Variants in ADAM23 observed in about 807,000 individuals in gnomAD.
ADAM23 encodes disintegrin and metalloproteinase domain-containing protein 23.
ADAM23 carries 33 observed loss-of-function variants against 120.1 expected under a neutral mutation model. The observed-to-expected ratio is 0.27, with a 90% confidence interval of 0.21 to 0.37. The LOEUF is 0.37. ADAM23 is among the 10% of genes least tolerant of loss of function. The pLI, the probability that ADAM23 is intolerant of heterozygous loss-of-function variation, is 1.00. For missense variants in ADAM23, 862 were observed against 1,058.2 expected (o/e 0.81, Z 2.57); for synonymous variants, 367 against 375.2 (o/e 0.98, Z 0.25).
Position 206,481,226 on chromosome 2 carries a change from C to A in ADAM23, c.433-6C>A. The stretch of plus-strand genomic sequence containing the variant: ...TTAAGGTTCTTCTGTCTTTTTGAAT[C>A]CATAGGCTGTCCATCTGGCCCAGGC... On this transcript the variant is annotated splice_polypyrimidine_tract_variant and splice_region_variant and intron_variant, in intron 2 of 25. Transcript: ENST00000264377. 1 of 1,607,572 alleles carries A rather than the reference C, an allele frequency of 6.2e-7. No homozygotes were observed. The highest frequency in any genetic ancestry group is 8.5e-7 in the Non-Finnish European group (1 of 1,177,562).
chr2:206,597,523 T>G (rs1698552856), intron 24 of ADAM23, among the ~76,000 whole-genome samples: 1 of 152,114 alleles, frequency 6.6e-6, no homozygotes, highest in Non-Finnish European at 1.5e-5. Flanking sequence ...TCATTTTTCA[T>G]TATTCTCCCG....
chr2:206,603,644 A>G (rs1043091973), intron 24 of ADAM23, among the ~76,000 whole-genome samples: 29 of 152,214 alleles, frequency 1.9e-4, no homozygotes, highest in African/African-American at 6.3e-4. Flanking sequence ...GAATATATCT[A>G]TTCATCTTGA....
chr2:206,559,559 C>T (rs1697716115), intron 10 of ADAM23, among the ~76,000 whole-genome samples: 1 of 152,152 alleles, frequency 6.6e-6, no homozygotes. Context: ...TCCAATCCAG[C>T]AGGAATAAAT....
chr2:206,489,815 CTGA>C, intron 3 of ADAM23, among the ~76,000 whole-genome samples: 1 of 152,260 alleles, frequency 6.6e-6, no homozygotes, highest in East Asian at 1.9e-4. Context: ...GAACCTAATT[CTGA>C]TGATTGCATA....
At chr2:206,535,285 A>T (rs1697151037) in intron 4 of ADAM23, among the ~76,000 whole-genome samples, 1 of 152,208 alleles carries the variant, frequency 6.6e-6, no homozygotes, top group South Asian at 2.1e-4. Flanking sequence ...GATGGCTATA[A>T]TGAAAATGAT....
At chr2:206,600,045 CA>C (rs1178431157) in intron 24 of ADAM23, among the ~76,000 whole-genome samples, 1 of 152,022 alleles carries the variant, frequency 6.6e-6, no homozygotes, top group Non-Finnish European at 1.5e-5. Context: ...ACTAAAAATA[CA>C]AAAAAATTAG....
chr2:206,607,276 G>A lies in ADAM23; in HGVS notation c.2360-2634G>A, dbSNP rs1357920846. 2.0e-5 allele frequency: 3 copies of A among 152,314 alleles called. No individual in the cohort carries two copies. In the East Asian group the frequency reaches 5.8e-4, roughly 29 times the overall value. 9.4% of individuals were successfully genotyped at this position (152,314 alleles called of 1,614,324 possible). A position where few individuals can be genotyped will look rare whatever the true frequency, so the allele number is the denominator to read the frequency against. The stretch of plus-strand genomic sequence containing the variant: ...ACCATAACAGGGATAAAAATATTTA[G>A]AGACAAAAACTTTGTCCTGTAAAAT... On this transcript the variant is annotated intron_variant, in intron 24 of 25. Coordinates refer to ENST00000264377, the MANE Select transcript of ADAM23 (RefSeq NM_003812.4).
At chr2:206,570,409 T>C (rs1697972134) in intron 15 of ADAM23, among the ~76,000 whole-genome samples, 1 of 152,208 alleles carries the variant, frequency 6.6e-6, no homozygotes, top group Non-Finnish European at 1.5e-5. Context: ...AGCAATGCAT[T>C]TTAGCTCCAT....
At chr2:206,546,075 T>C (rs1697390932) in intron 6 of ADAM23, among the ~76,000 whole-genome samples, 1 of 152,232 alleles carries the variant, frequency 6.6e-6, no homozygotes, top group Non-Finnish European at 1.5e-5. Context: ...GTTTAAAGCA[T>C]TGGTTTTGCA....
At chr2:206,557,385 C>A in intron 9 of ADAM23, 42 bp from the exon 10 acceptor site, 1 of 1,438,716 alleles carries the variant, frequency 7.0e-7, no homozygotes, top group South Asian at 1.2e-5. Context: ...ATTTATTATT[C>A]ACTTATGATT....
intron 3 of ADAM23, among the ~76,000 whole-genome samples, chr2:206,508,795 G>A (rs565034451): frequency 5.9e-5 from 9 of 152,260 alleles, no homozygotes; most frequent in African/African-American, 2.2e-4. Flanking sequence ...GCTGAAATAG[G>A]CATTTTGTAT....
At chr2:206,500,912 A>C (rs148011755) in intron 3 of ADAM23, among the ~76,000 whole-genome samples, 1 of 151,652 alleles carries the variant, frequency 6.6e-6, no homozygotes. Flanking sequence ...GCATAGTTCA[A>C]CCTCTTTTTT....
At chr2:206,535,183 T>C (rs16838318) in intron 4 of ADAM23, among the ~76,000 whole-genome samples, 27,663 of 152,082 alleles carry the variant, frequency 0.18, 2,960 homozygotes, top group African/African-American at 0.3. Flanking sequence ...TATAGCTCTA[T>C]AATAAATGAA....
At chr2:206,473,376 C>T (rs752691656) in intron 2 of ADAM23, among the ~76,000 whole-genome samples, 9 of 152,060 alleles carry the variant, frequency 5.9e-5, no homozygotes, top group Non-Finnish European at 2.9e-5. Context: ...AATTCAAATG[C>T]GCTTGTTGCC....
At chr2:206,449,694 C>G (rs942299878) in intron 2 of ADAM23, among the ~76,000 whole-genome samples, 1 of 152,104 alleles carries the variant, frequency 6.6e-6, no homozygotes, top group East Asian at 1.9e-4. Flanking sequence ...CGCTTGATCC[C>G]GGGAGGCGGA....
chr2:206,535,922 G>A (rs753510249), intron 4 of ADAM23, among the ~76,000 whole-genome samples: 37 of 152,070 alleles, frequency 2.4e-4, no homozygotes, highest in African/African-American at 8.2e-4. Context: ...GTGAATATGC[G>A]AAGAAAAACA....
chr2:206,480,941 G>A (rs1359861956), intron 2 of ADAM23, among the ~76,000 whole-genome samples: 3 of 152,116 alleles, frequency 2.0e-5, no homozygotes, highest in Non-Finnish European at 4.4e-5. Context: ...TGCATAATTC[G>A]TCACGGTCAC....
chr2:206,505,759 T>C (rs939671390), intron 3 of ADAM23, among the ~76,000 whole-genome samples: 1 of 152,174 alleles, frequency 6.6e-6, no homozygotes, highest in African/African-American at 2.4e-5. Context: ...ACCATATTAC[T>C]ATTATTATCC....
intron 24 of ADAM23, among the ~76,000 whole-genome samples, chr2:206,607,716 C>G (rs949411135): frequency 2.0e-5 from 3 of 152,090 alleles, no homozygotes; most frequent in African/African-American, 7.2e-5. Flanking sequence ...CACTAGTTTT[C>G]TCTTAGCTTA....
Sources: allele counts gnomAD v4.1 joint callset (sites outside exome capture counted in the v4.1 genomes callset), GRCh38; gene constraint gnomAD v4.1.1; transcripts MANE v1.5; gene names NCBI Gene and HGNC (gene_info 2026-07-23, HGNC 2026-07-21).